TRPS1: variants seen among roughly 807,000 people sequenced by gnomAD.
TRPS1 encodes transcriptional repressor GATA binding 1, also known as zinc finger transcription factor Trps1.
TRPS1 carries 6 observed loss-of-function variants against 101.2 expected under a neutral mutation model. The observed-to-expected ratio is 0.06, with a 90% CI of 0.03 to 0.12. The LOEUF (loss-of-function observed/expected upper bound fraction) is 0.12, where lower values mean the gene tolerates loss of function less well. Ranked by LOEUF, TRPS1 falls within the 10% of genes least tolerant of loss-of-function variation. The pLI is 1.00. For missense variants in TRPS1, 1,363 were observed against 1,567.0 expected (o/e 0.87, Z 2.20); for synonymous variants, 578 against 589.8 (o/e 0.98, Z 0.29).
intron 6 of TRPS1, among the ~76,000 whole-genome samples, chr8:115,416,912 T>C (rs540616646): frequency 6.6e-6 from 1 of 152,282 alleles, no homozygotes; most frequent in East Asian, 1.9e-4. Flanking sequence ...GTAAAGAACC[T>C]GAAATTTGCA....
chr8:115,480,794 G>T (rs1814733918), intron 5 of TRPS1, among the ~76,000 whole-genome samples: 2 of 152,046 alleles, frequency 1.3e-5, no homozygotes. Flanking sequence ...AACCTCTTCT[G>T]AAGTGCCAAT....
intron 4 of TRPS1, among the ~76,000 whole-genome samples, chr8:115,602,900 C>T (rs915748933): frequency 1.3e-5 from 2 of 152,090 alleles, no homozygotes; most frequent in Non-Finnish European, 1.5e-5. Context: ...TGCTCCTTCC[C>T]GAGGAAGTAA....
intron 5 of TRPS1, among the ~76,000 whole-genome samples, chr8:115,510,878 G>T (rs1276270371): frequency 6.6e-6 from 1 of 151,806 alleles, no homozygotes; most frequent in Non-Finnish European, 1.5e-5. Context: ...ATATTAGAAA[G>T]CTTCATTCAA....
chr8:115,567,495 CA>C (rs1401214359), intron 5 of TRPS1, among the ~76,000 whole-genome samples: 2 of 151,946 alleles, frequency 1.3e-5, no homozygotes, highest in Non-Finnish European at 2.9e-5. Context: ...GGATCTTTGC[CA>C]AATTGATACC....
chr8:115,668,192 T>A, intron 1 of TRPS1: 1 of 486,962 alleles, frequency 2.1e-6, no homozygotes, highest in Non-Finnish European at 3.7e-6. Context: ...CTCAGATGCC[T>A]CAGACCCACC....
intron 1 of TRPS1, among the ~76,000 whole-genome samples, chr8:115,654,462 T>C (rs924852511): frequency 1.2e-4 from 18 of 152,290 alleles, no homozygotes; most frequent in Admixed American, 1.2e-3. Context: ...ATTGCACATT[T>C]CAAGCCTAAT....
At chr8:115,571,370 GCA>G (rs1158534358) in intron 5 of TRPS1, among the ~76,000 whole-genome samples, 1 of 151,998 alleles carries the variant, frequency 6.6e-6, no homozygotes, top group Non-Finnish European at 1.5e-5. Flanking sequence ...CTTTTAATAA[GCA>G]TATTTTTTTC....
At position 115,411,270 on chromosome 8, in the gene TRPS1, ATGTC is replaced by A. The variant is rs570099722; in HGVS notation, c.*2749_*2752del. ...TTTTCCAATGCTAGTCGTTACTACTATGTCTGTCTGAGAAAAAAAAAAAATTGAA... is the reference window on the plus strand; with the variant it reads ...TTTTCCAATGCTAGTCGTTACTACTATGTCTGAGAAAAAAAAAAAATTGAA... On this transcript the variant is annotated 3_prime_UTR_variant, in exon 7 of 7. Coordinates refer to ENST00000395715, the MANE Select transcript of TRPS1 (RefSeq NM_014112.5). 3.3e-5 allele frequency: 5 copies of A among 152,266 alleles called. No homozygotes were observed. The highest frequency in any genetic ancestry group is 7.4e-5 in the Non-Finnish European group (5 of 67,924). 9.4% of individuals were successfully genotyped at this position (152,266 alleles called of 1,614,324 possible). A position where few individuals can be genotyped will look rare whatever the true frequency, so the allele number is the denominator to read the frequency against.
At chr8:115,524,274 A>G (rs867280227) in intron 5 of TRPS1, among the ~76,000 whole-genome samples, 10 of 148,470 alleles carry the variant, frequency 6.7e-5, no homozygotes, top group Middle Eastern at 3.6e-3. Flanking sequence ...AACATAAAAC[A>G]CTCACAATTC....
Position 115,409,910 on chromosome 8 carries a change from T to A in TRPS1, c.*4113A>T, listed in dbSNP as rs1242984286. On this transcript the variant is annotated 3_prime_UTR_variant, in exon 7 of 7. Coordinates refer to ENST00000395715, the MANE Select transcript of TRPS1 (RefSeq NM_014112.5). ...TACTGGCTCACCAAAGACGACTTGATCTTTTTTTCTTTTTTTTTTTTTGCC... is the reference window on the plus strand; with the variant it reads ...TACTGGCTCACCAAAGACGACTTGAACTTTTTTTCTTTTTTTTTTTTTGCC... 1 of 100,260 alleles carries A rather than the reference T, an allele frequency of 1.0e-5. No individual in the cohort carries two copies. Among genetic ancestry groups the A allele is most frequent in the Admixed American group, 1.0e-4 (1 of 10,022 alleles). 6.2% of individuals were successfully genotyped at this position (100,260 alleles called of 1,614,324 possible). A position where few individuals can be genotyped will look rare whatever the true frequency, so the allele number is the denominator to read the frequency against.
intron 5 of TRPS1, among the ~76,000 whole-genome samples, chr8:115,446,577 C>T (rs932476786): frequency 3.3e-5 from 5 of 152,138 alleles, no homozygotes; most frequent in Admixed American, 6.5e-5. Flanking sequence ...TCTTAGTTCT[C>T]CACTCTTGGC....
At chr8:115,476,503 C>T (rs1000358368) in intron 5 of TRPS1, among the ~76,000 whole-genome samples, 1 of 152,122 alleles carries the variant, frequency 6.6e-6, no homozygotes, top group South Asian at 2.1e-4. Context: ...GGCTCCCACT[C>T]CTGAAGTTCG....
At chr8:115,505,277 C>T (rs1563559791) in intron 5 of TRPS1, among the ~76,000 whole-genome samples, 1 of 152,252 alleles carries the variant, frequency 6.6e-6, no homozygotes, top group East Asian at 1.9e-4. Context: ...AGTATTGTCT[C>T]TGTTAACACA....
rs1812000427 is a variant in TRPS1, at chr8:115,668,786, G to A, written c.-363C>T. 1 of 148,270 alleles carries A rather than the reference G, an allele frequency of 6.7e-6. No individual in the cohort carries two copies. The highest frequency in any genetic ancestry group is 2.1e-4 in the South Asian group (1 of 4,778). 9.2% of individuals were successfully genotyped at this position (148,270 alleles called of 1,614,324 possible). A position where few individuals can be genotyped will look rare whatever the true frequency, so the allele number is the denominator to read the frequency against. ...CAAGGATGTGCCCGGTGCCGGGTGGGAGAGGGGAGGGGGTGTTGTTTTTTG... is the reference window on the plus strand; with the variant it reads ...CAAGGATGTGCCCGGTGCCGGGTGGAAGAGGGGAGGGGGTGTTGTTTTTTG... On this transcript the variant is annotated 5_prime_UTR_variant, in exon 1 of 7. Transcript: ENST00000395715.
intron 1 of TRPS1, among the ~76,000 whole-genome samples, chr8:115,662,660 G>A (rs951370524): frequency 7.1e-6 from 1 of 141,810 alleles, no homozygotes; most frequent in Non-Finnish European, 1.5e-5. Flanking sequence ...GTTTGCCTGT[G>A]CAAAGTCAGA....
intron 1 of TRPS1, chr8:115,667,960 G>A (rs950931699): frequency 6.7e-7 from 1 of 1,499,562 alleles, no homozygotes; most frequent in Non-Finnish European, 9.0e-7. Flanking sequence ...GCGGCCCCTC[G>A]GGTCCAACCA....
chr8:115,499,948 TTTCTTTCTTTC>T (rs773960930), intron 5 of TRPS1, among the ~76,000 whole-genome samples: 6 of 54,074 alleles, frequency 1.1e-4, no homozygotes, highest in Non-Finnish European at 2.3e-4. Flanking sequence ...TCTTTCTTTC[TTTCTTTCTTTC>T]TTTCTTTTCT....
At chr8:115,477,020 A>C (rs73369736) in intron 5 of TRPS1, among the ~76,000 whole-genome samples, 3,241 of 152,312 alleles carry the variant, frequency 0.021, 119 homozygotes, top group African/African-American at 0.069. Flanking sequence ...AGCCTTCATT[A>C]CAGAAACACA....
At chr8:115,426,693 T>C (rs917029364) in intron 5 of TRPS1, among the ~76,000 whole-genome samples, 1 of 152,014 alleles carries the variant, frequency 6.6e-6, no homozygotes, top group Non-Finnish European at 1.5e-5. Flanking sequence ...CAGAAAAAAA[T>C]AAAGTGTAAA....
Sources: gnomAD v4.1 joint callset for allele counts (sites outside exome capture counted in the v4.1 genomes callset) on GRCh38, gnomAD v4.1.1 for gene constraint, MANE v1.5 for transcripts, NCBI Gene and HGNC (gene_info 2026-07-23, HGNC 2026-07-21) for gene names.